SLC6A15: variants seen among roughly 807,000 people sequenced by gnomAD.
SLC6A15 encodes sodium-dependent neutral amino acid transporter B(0)AT2.
Under a neutral mutation model 68.5 loss-of-function variants are expected in SLC6A15, and 33 were observed. That is an observed-to-expected ratio of 0.48 (90% CI 0.37 to 0.64). The LOEUF (loss-of-function observed/expected upper bound fraction) is 0.64. Ranked by LOEUF, SLC6A15 falls within the 30% of genes least tolerant of loss-of-function variation. SLC6A15 has a pLI of 0.00. For synonymous variants in SLC6A15, 347 were observed against 301.0 expected, an observed-to-expected ratio of 1.15 and a Z score of -1.58; for missense variants, 747 against 874.3, an observed-to-expected ratio of 0.85 and a Z score of 1.84.
intron 10 of SLC6A15, 31 bp downstream of exon 10, chr12:84,867,003 A>G: frequency 6.7e-7 from 1 of 1,484,978 alleles, no homozygotes; most frequent in Non-Finnish European, 9.0e-7. Flanking sequence ...CTAGAGATTA[A>G]AAGTGAATAC....
chr12:84,897,225 A>T (rs936429909), intron 1 of SLC6A15, among the ~76,000 whole-genome samples: 1 of 151,980 alleles, frequency 6.6e-6, no homozygotes, highest in African/African-American at 2.4e-5. Flanking sequence ...ATAAAATAAA[A>T]TAAAGAAAAA....
chr12:84,876,243 T>C (rs1031830775), intron 6 of SLC6A15, among the ~76,000 whole-genome samples: 1 of 152,050 alleles, frequency 6.6e-6, no homozygotes, highest in African/African-American at 2.4e-5. Flanking sequence ...AAATTTATTA[T>C]AAAAGAGAGA....
At chr12:84,891,288 G>A (rs550462603) in intron 2 of SLC6A15, among the ~76,000 whole-genome samples, 6 of 152,262 alleles carry the variant, frequency 3.9e-5, no homozygotes, top group Admixed American at 3.3e-4. Context: ...GCCTAAGAAT[G>A]AAGAATGTCT....
chr12:84,862,073 C>G (rs1166768438), intron 11 of SLC6A15, 67 bp from the exon 12 acceptor site: 1 of 1,452,196 alleles, frequency 6.9e-7, no homozygotes, highest in African/African-American at 1.4e-5. Context: ...AAATATTGTA[C>G]TTGCTTCAAG....
chr12:84,863,731 T>C (rs1237747878), intron 10 of SLC6A15, 130 bp from the exon 11 acceptor site: 3 of 563,084 alleles, frequency 5.3e-6, no homozygotes, highest in Non-Finnish European at 8.2e-6. Flanking sequence ...TGTATCAAAG[T>C]TCCTCTTGGA....
intron 2 of SLC6A15, among the ~76,000 whole-genome samples, chr12:84,890,243 A>G (rs574152899): frequency 6.6e-6 from 1 of 152,348 alleles, no homozygotes; most frequent in South Asian, 2.1e-4. Flanking sequence ...ATATGGAAAT[A>G]AGAAGGAGGA....
chr12:84,901,003 T>A (rs1269006024), intron 1 of SLC6A15, among the ~76,000 whole-genome samples: 1 of 129,972 alleles, frequency 7.7e-6, no homozygotes, highest in East Asian at 2.0e-4. Context: ...TAGATATGTA[T>A]ATATATACAT....
intron 1 of SLC6A15, among the ~76,000 whole-genome samples, chr12:84,901,837 T>C (rs1485646917): frequency 2.0e-5 from 3 of 151,690 alleles, no homozygotes; most frequent in Non-Finnish European, 3.0e-5. Flanking sequence ...GAAAAAAAAG[T>C]TTTATTTAAA....
intron 5 of SLC6A15, chr12:84,883,533 A>G: frequency 3.1e-6 from 4 of 1,296,726 alleles, no homozygotes; most frequent in Non-Finnish European, 3.9e-6. Flanking sequence ...AATTTAACTA[A>G]TTGGTAATTA....
In SLC6A15 at chr12:84,863,719, A is replaced by G. The variant is rs571421005; in HGVS notation, c.1656-118T>C. ...CCATTGATACCCTATGACATTTTAT[A>G]CTGTATCAAAGTTCCTCTTGGAAGA... On this transcript the variant is annotated intron_variant, in intron 10 of 11. Transcript: ENST00000266682. 2,102 of 657,264 alleles carry G rather than the reference A, an allele frequency of 3.2e-3. 7 individuals carry two copies. Among genetic ancestry groups the G allele is most frequent in the Non-Finnish European group, 4.2e-3 (1,851 of 441,256 alleles). 40.7% of individuals were successfully genotyped at this position (657,264 alleles called of 1,614,324 possible).
chr12:84,907,572 C>T (rs1000895899), intron 1 of SLC6A15, among the ~76,000 whole-genome samples: 43 of 151,990 alleles, frequency 2.8e-4, no homozygotes, highest in African/African-American at 1.0e-3. Context: ...GGCAAGGATG[C>T]AGAGAAAATG....
intron 4 of SLC6A15, 107 bp from the exon 5 acceptor site, chr12:84,884,147 T>A: frequency 1.2e-6 from 1 of 864,444 alleles, no homozygotes; most frequent in Non-Finnish European, 1.8e-6. Context: ...CCTAGAAAAG[T>A]ACTACCATTG....
chr12:84,897,790 A>T (rs1411950221), intron 1 of SLC6A15, among the ~76,000 whole-genome samples: 1 of 152,170 alleles, frequency 6.6e-6, no homozygotes, highest in African/African-American at 2.4e-5. Flanking sequence ...GTATGGAGGG[A>T]AAGACTACAT....
intron 9 of SLC6A15, among the ~76,000 whole-genome samples, chr12:84,869,862 T>C (rs1171230909): frequency 6.6e-6 from 1 of 152,172 alleles, no homozygotes; most frequent in Non-Finnish European, 1.5e-5. Flanking sequence ...TTTTTATATA[T>C]TTGTATATCT....
chr12:84,894,561 A>T (rs1872554287), intron 1 of SLC6A15, among the ~76,000 whole-genome samples: 1 of 152,176 alleles, frequency 6.6e-6, no homozygotes, highest in African/African-American at 2.4e-5. Flanking sequence ...AAGAAAAAAA[A>T]TTTTAAATAG....
At chr12:84,895,511 G>A (rs1872603475) in intron 1 of SLC6A15, among the ~76,000 whole-genome samples, 1 of 151,558 alleles carries the variant, frequency 6.6e-6, no homozygotes, top group African/African-American at 2.4e-5. Flanking sequence ...CCCATGCCCG[G>A]CTAATTTTTG....
chr12:84,875,933 A>T (rs2120592808), intron 6 of SLC6A15, among the ~76,000 whole-genome samples: 1 of 151,584 alleles, frequency 6.6e-6, no homozygotes, highest in South Asian at 2.1e-4. Flanking sequence ...TTCTTCCAGA[A>T]GCTACAAAAC....
At chr12:84,909,238 A>G (rs1873324067) in intron 1 of SLC6A15, among the ~76,000 whole-genome samples, 1 of 152,144 alleles carries the variant, frequency 6.6e-6, no homozygotes, top group South Asian at 2.1e-4. Context: ...TTCCCAAAGT[A>G]TGCATTCTAT....
At position 84,861,599 on chromosome 12, in the gene SLC6A15, G is replaced by T. The variant is rs758681051; in HGVS notation, c.*33C>A. ...AGGGCCAATGTTCATTGGTAAAAAT[G>T]AACCAAATAAAACCCACTGACTTTT... On this transcript the variant is annotated 3_prime_UTR_variant, in exon 12 of 12. Coordinates refer to ENST00000266682, the MANE Select transcript of SLC6A15 (RefSeq NM_182767.6). 7 of 1,553,230 alleles carry T rather than the reference G, an allele frequency of 4.5e-6. No individual in the cohort carries two copies. The highest frequency in any genetic ancestry group is 1.9e-5 in the Admixed American group (1 of 53,118).
Sources: allele counts gnomAD v4.1 joint callset (sites outside exome capture counted in the v4.1 genomes callset), GRCh38; gene constraint gnomAD v4.1.1; transcripts MANE v1.5; gene names NCBI Gene and HGNC (gene_info 2026-07-23, HGNC 2026-07-21).